Variants in HYKK observed in about 807,000 individuals in gnomAD.
HYKK encodes the protein hydroxylysine kinase.
Under a neutral mutation model 29.7 loss-of-function variants are expected in HYKK, and 19 were observed. The observed-to-expected ratio is 0.64, with a 90% CI of 0.45 to 0.94. The LOEUF is 0.94. Ranked by LOEUF, HYKK falls within the 40% of genes least tolerant of loss-of-function variation. HYKK has a pLI of 0.00. For synonymous variants in HYKK, 152 were observed against 158.1 expected, an observed-to-expected ratio of 0.96 and a Z score of 0.29; for missense variants, 390 against 443.4, an observed-to-expected ratio of 0.88 and a Z score of 1.08.
At position 78,533,610 on chromosome 15, in the gene HYKK, A is replaced by T. The variant is rs759648490; in HGVS notation, c.1062A>T (p.Lys354Asn). The change falls in exon 5 of 5, where the codon AAA becomes AAT. Residue 354 changes from lysine (K) to asparagine (N), a missense_variant. Coordinates refer to ENST00000388988, the MANE Select transcript of HYKK (RefSeq NM_001013619.4). ...HLQQMFDMGQ[K>N]AVEEIWFETA... Reference sequence around the variant, plus strand: ...AGCAAATGTTTGACATGGGTCAGAAAGCTGTAGAAGAAATCTGGTTTGAAA... The same window carrying T: ...AGCAAATGTTTGACATGGGTCAGAATGCTGTAGAAGAAATCTGGTTTGAAA... The T allele has an allele frequency of 6.2e-7, 1 of 1,614,240 alleles. No individual in the cohort carries two copies. Among genetic ancestry groups the T allele is most frequent in the Non-Finnish European group, 8.5e-7 (1 of 1,180,036 alleles).
rs375781156 is a variant in HYKK at position 78,533,216 on chromosome 15, A to G, written c.668A>G (p.Asn223Ser). The G allele has an allele frequency of 1.1e-5, 17 of 1,587,482 alleles. No individual in the cohort carries two copies. The highest frequency in any genetic ancestry group is 5.6e-5 in the South Asian group (5 of 89,574). Reference protein sequence around the residue: ...TKLSHFRECINHGDLNDHNIL... With the variant: ...TKLSHFRECISHGDLNDHNIL... ...ATGATTTTTCTACTTTCAGGTATCA[A>G]TCACGGAGATCTTAATGACCATAAT... Residue 223 changes from asparagine (N) to serine (S), a missense_variant, in exon 5 of 5, where the codon AAT becomes AGT. Asn to Ser is a conservative substitution (Grantham distance 46). Transcript: ENST00000388988.
Position 78,513,264 on chromosome 15 carries a change from CAACTG to C in HYKK, c.179_183del (p.Thr60IlefsTer11), listed in dbSNP as rs142386465. 1 of 1,614,114 alleles carries C rather than the reference CAACTG, an allele frequency of 6.2e-7. No individual in the cohort carries two copies. The highest frequency in any genetic ancestry group is 1.3e-5 in the African/African-American group (1 of 75,004). On this transcript the variant is annotated frameshift_variant, in exon 2 of 5. Transcript: ENST00000388988. LOFTEE classifies it high-confidence loss of function. ...TACGTTTCAAAAACCAAAGATGGCC[CAACTG>C]AATATGTCCTCAAAATAAGCAACAC...
rs1218249706 is a variant in HYKK at position 78,533,434 on chromosome 15, C to T, written c.886C>T (p.Pro296Ser). Residue 296 changes from proline (P) to serine (S), a missense_variant, in exon 5 of 5, where the codon CCA (proline) becomes TCA (serine). Physicochemically the swap from Pro to Ser is moderately conservative, Grantham distance 74. Transcript: ENST00000388988. ...CCTTGCAGGGTTTGAAAGCATCACC[C>T]CACTGACAGCTGTAGAGAAGGGTGC... is the stretch of plus-strand genomic sequence containing the variant. ...HVLAGFESIT[P>S]LTAVEKGALF... The T allele has an allele frequency of 1.2e-6, 2 of 1,614,152 alleles. No individual in the cohort carries two copies. The highest frequency in any genetic ancestry group is 1.7e-6 in the Non-Finnish European group (2 of 1,180,010).
At chr15:78,525,402 C>T (rs187497460) in intron 3 of HYKK, among the ~76,000 whole-genome samples, 156 of 152,222 alleles carry the variant, frequency 1.0e-3, no homozygotes, top group African/African-American at 3.4e-3. Flanking sequence ...GTGATCTGCC[C>T]GCCTTGGCCT....
intron 3 of HYKK, among the ~76,000 whole-genome samples, chr15:78,519,863 ACTGT>A (rs1241710007): frequency 1.3e-5 from 2 of 152,242 alleles, no homozygotes; most frequent in Admixed American, 6.5e-5. Context: ...GGTTTAAATG[ACTGT>A]CTGTTACATA....
Position 78,533,394 on chromosome 15 carries a change from A to G in HYKK, c.846A>G (p.Gln282=), listed in dbSNP as rs750539969. The G allele has an allele frequency of 6.2e-7, 1 of 1,614,088 alleles. No homozygotes were observed. Among genetic ancestry groups the G allele is most frequent in the African/African-American group, 1.3e-5 (1 of 74,936 alleles). ...TGATTGAGAGCAAGAGTCCTATACA[A>G]GTAGGAGGCCATGTCCTTGCAGGGT... The part of the protein sequence containing the change: ...YMMIESKSPI[Q]VGGHVLAGFE... The change falls in exon 5 of 5, where the codon CAA becomes CAG. Residue 282 remains glutamine (Q), a synonymous_variant. Transcript: ENST00000388988.
At position 78,523,568 on chromosome 15, in the gene HYKK, C is replaced by T. The variant is rs144190776; in HGVS notation, c.478-3812C>T. 1.4e-4 allele frequency among the ~76,000 whole-genome samples: 21 copies of T among 152,292 alleles called. No homozygotes were observed. The East Asian group carries it at 3.9e-3, about 28-fold the overall frequency. ...CATGTCCTTCTTCCAATGCAAAATA[C>T]AATCATCCTTTCTCAACAGTCCCCC... On this transcript the variant is annotated intron_variant, in intron 3 of 4. Coordinates refer to ENST00000388988, the MANE Select transcript of HYKK (RefSeq NM_001013619.4).
intron 3 of HYKK, among the ~76,000 whole-genome samples, chr15:78,523,296 G>A (rs1391616205): frequency 1.3e-5 from 2 of 152,160 alleles, no homozygotes; most frequent in African/African-American, 2.4e-5. Context: ...AATGGCAGGG[G>A]CAGGAGCAAG....
intron 3 of HYKK, among the ~76,000 whole-genome samples, chr15:78,515,504 G>A (rs1306201194): frequency 6.6e-6 from 1 of 151,958 alleles, no homozygotes; most frequent in Non-Finnish European, 1.5e-5. Context: ...AATCGCTTGA[G>A]CCAGGAGGTG....
At chr15:78,518,864 G>A (rs1171271261) in intron 3 of HYKK, 4 of 210,808 alleles carry the variant, frequency 1.9e-5, no homozygotes, top group East Asian at 1.5e-4. Flanking sequence ...GCAGTGAGCC[G>A]AGATTGCACC....
rs1201806583 is a variant in HYKK at position 78,516,368 on chromosome 15, C to T, written c.477+1261C>T. 4.4e-5 allele frequency among the ~76,000 whole-genome samples: 5 copies of T among 114,530 alleles called. 1 individual carries two copies. The highest frequency in any genetic ancestry group is 6.7e-5 in the Non-Finnish European group (4 of 59,448). The allele number at this position is 114,530 out of a possible 152,430, so 75.1% of individuals were successfully genotyped here. On this transcript the variant is annotated intron_variant, in intron 3 of 4. Coordinates refer to ENST00000388988, the MANE Select transcript of HYKK (RefSeq NM_001013619.4). ...CTTTTTTTTTTTTTTTTTTTTGAGA[C>T]AGGGTCTCACTCTGTCTCCTAGGCT...
chr15:78,532,157 T>C (rs2052318607), intron 4 of HYKK, among the ~76,000 whole-genome samples: 1 of 152,164 alleles, frequency 6.6e-6, no homozygotes, highest in African/African-American at 2.4e-5. Flanking sequence ...GTGGGTTTTT[T>C]CCCCCAACCC....
intron 4 of HYKK, among the ~76,000 whole-genome samples, chr15:78,531,197 CAT>C (rs2052308805): frequency 6.6e-6 from 1 of 152,124 alleles, no homozygotes; most frequent in Non-Finnish European, 1.5e-5. Flanking sequence ...TAAATAGCCA[CAT>C]ATGTCTAGTG....
chr15:78,528,955 C>T (rs1266279394), intron 4 of HYKK, among the ~76,000 whole-genome samples: 1 of 152,116 alleles, frequency 6.6e-6, no homozygotes, highest in East Asian at 1.9e-4. Context: ...CTGTTTTTCC[C>T]CCAGTCTTAT....
At chr15:78,524,451 C>A (rs538584104) in intron 3 of HYKK, among the ~76,000 whole-genome samples, 2 of 152,334 alleles carry the variant, frequency 1.3e-5, no homozygotes, top group South Asian at 4.1e-4. Flanking sequence ...GCCCACAAAA[C>A]CATCTTGTCC....
In HYKK at chr15:78,517,105, CTTTCTT is replaced by C. The variant is rs2052143062; in HGVS notation, c.477+2002_477+2007del. ...TTTTCTTTTCTTTCTTTCTTTCTTT[CTTTCTT>C]TTTTTTTTTTTTTTTTTCGAGACAG... is the stretch of plus-strand genomic sequence containing the variant. On this transcript the variant is annotated intron_variant, in intron 3 of 4. Transcript: ENST00000388988. Among the ~76,000 whole-genome samples the C allele has an allele frequency of 1.1e-4, 6 of 56,016 alleles. No homozygotes were observed. In the South Asian group the frequency reaches 7.8e-3, roughly 72 times the overall value. 36.7% of individuals were successfully genotyped at this position (56,016 alleles called of 152,430 possible). A position where few individuals can be genotyped will look rare whatever the true frequency, so the allele number is the denominator to read the frequency against.
chr15:78,517,078 C>T (rs71402944), intron 3 of HYKK, among the ~76,000 whole-genome samples: 144,295 of 144,580 alleles, frequency 1, 72,005 homozygotes, highest in Middle Eastern at 1. Flanking sequence ...TGCATCAGGT[C>T]CTTTTCTTTT....
intron 1 of HYKK, among the ~76,000 whole-genome samples, chr15:78,509,024 G>A (rs977579191): frequency 4.6e-5 from 7 of 151,906 alleles, no homozygotes; most frequent in African/African-American, 1.4e-4. Flanking sequence ...CTCCAGACTG[G>A]GTGACAGAGA....
chr15:78,511,511 T>C (rs1202481811), intron 1 of HYKK, among the ~76,000 whole-genome samples: 1 of 151,514 alleles, frequency 6.6e-6, no homozygotes, highest in Non-Finnish European at 1.5e-5. Context: ...GCAGATCACT[T>C]AAGCCCAGAA....
Sources: allele counts gnomAD v4.1 joint callset (sites outside exome capture counted in the v4.1 genomes callset), GRCh38; gene constraint gnomAD v4.1.1; transcripts MANE v1.5; gene names NCBI Gene and HGNC (gene_info 2026-07-23, HGNC 2026-07-21).